SPOCK3: variants seen among roughly 807,000 people sequenced by gnomAD.
SPOCK3 encodes the protein SPARC (osteonectin), cwcv and kazal like domains proteoglycan 3, also known as testican-3.
In SPOCK3, 30 loss-of-function variants were observed where a neutral mutation model predicts 56.6. The ratio of observed to expected loss-of-function variants is 0.53; its 90% CI spans 0.40 to 0.72. The LOEUF (loss-of-function observed/expected upper bound fraction) is 0.72, where lower values mean the gene tolerates loss of function less well. Ranked by LOEUF, SPOCK3 falls within the 30% of genes least tolerant of loss-of-function variation. SPOCK3 has a pLI of 0.00. For synonymous variants in SPOCK3, 196 were observed against 183.3 expected (o/e 1.07, Z -0.56); for missense variants, 527 against 530.0 (o/e 0.99, Z 0.06).
chr4:167,075,850 GTTC>G (rs1375036985), intron 2 of SPOCK3, among the ~76,000 whole-genome samples: 7 of 151,838 alleles, frequency 4.6e-5, no homozygotes, highest in Non-Finnish European at 1.0e-4. Context: ...ATATATATGT[GTTC>G]TTCTCTCTTA....
At chr4:166,855,776 A>T (rs1267519510) in intron 6 of SPOCK3, among the ~76,000 whole-genome samples, 1 of 152,128 alleles carries the variant, frequency 6.6e-6, no homozygotes, top group African/African-American at 2.4e-5. Context: ...TTTCTGATTC[A>T]TTAGGTGTGG....
intron 8 of SPOCK3, among the ~76,000 whole-genome samples, chr4:166,744,332 C>T (rs1392815868): frequency 6.6e-6 from 1 of 152,136 alleles, no homozygotes; most frequent in Non-Finnish European, 1.5e-5. Context: ...TGGTGATACC[C>T]AGGCAAACAG....
intron 6 of SPOCK3, among the ~76,000 whole-genome samples, chr4:166,792,838 C>T (rs997561811): frequency 6.6e-6 from 1 of 151,896 alleles, no homozygotes; most frequent in African/African-American, 2.4e-5. Flanking sequence ...TAGGAAAAAA[C>T]TATAAAATAT....
chr4:166,995,092 C>T (rs1163557870), intron 4 of SPOCK3, among the ~76,000 whole-genome samples: 1 of 152,008 alleles, frequency 6.6e-6, no homozygotes, highest in Non-Finnish European at 1.5e-5. Context: ...ACCACAATGG[C>T]CAGGTTCAGT....
At chr4:167,156,884 G>A (rs2150429063) in intron 2 of SPOCK3, among the ~76,000 whole-genome samples, 1 of 152,168 alleles carries the variant, frequency 6.6e-6, no homozygotes, top group East Asian at 1.9e-4. Context: ...TACTTAAACT[G>A]GAATTAGGCC....
intron 6 of SPOCK3, among the ~76,000 whole-genome samples, chr4:166,803,587 G>C (rs1213834691): frequency 1.3e-5 from 2 of 152,148 alleles, no homozygotes; most frequent in East Asian, 1.9e-4. Flanking sequence ...GCAAAACATA[G>C]ATAAATCAAT....
chr4:167,035,894 G>A (rs1752705917), intron 3 of SPOCK3, among the ~76,000 whole-genome samples: 1 of 151,992 alleles, frequency 6.6e-6, no homozygotes, highest in Non-Finnish European at 1.5e-5. Context: ...ATGTCATTCT[G>A]CATTAGCAAT....
intron 2 of SPOCK3, among the ~76,000 whole-genome samples, chr4:167,147,619 A>G (rs936378786): frequency 6.6e-6 from 1 of 152,186 alleles, no homozygotes. Context: ...ACCATGGAAT[A>G]CTATTCAGCC....
At chr4:167,199,787 CAT>C (rs34828806) in intron 2 of SPOCK3, among the ~76,000 whole-genome samples, 6,071 of 149,628 alleles carry the variant, frequency 0.041, 165 homozygotes, top group Middle Eastern at 0.071. Flanking sequence ...GTAATGAAAT[CAT>C]AGAAAAATTT....
rs912574814 is a variant in SPOCK3 at position 166,770,570 on chromosome 4, A to G, written c.710-15841T>C. On this transcript the variant is annotated intron_variant, in intron 7 of 10. Transcript: ENST00000357545. ...GCTGAAATGTGAATCGTGAAAAAAT[A>G]TAAAACTGATATGTCTAATTGAAAA... 4.6e-5 allele frequency among the ~76,000 whole-genome samples: 7 copies of G among 152,234 alleles called. No individual in the cohort carries two copies. In the East Asian group the frequency reaches 1.2e-3, roughly 25 times the overall value.
At chr4:166,772,496 G>GAAAT (rs1282093048) in intron 7 of SPOCK3, among the ~76,000 whole-genome samples, 1 of 152,074 alleles carries the variant, frequency 6.6e-6, no homozygotes, top group African/African-American at 2.4e-5. Flanking sequence ...AATTGCATAT[G>GAAAT]AAATATTATC....
intron 2 of SPOCK3, among the ~76,000 whole-genome samples, chr4:167,218,688 T>C (rs1561336243): frequency 6.6e-6 from 1 of 152,184 alleles, no homozygotes. Flanking sequence ...TTATCTGAAT[T>C]AAACATGTCA....
chr4:167,044,561 C>CT (rs1242434998), intron 3 of SPOCK3, among the ~76,000 whole-genome samples: 1 of 151,970 alleles, frequency 6.6e-6, no homozygotes, highest in African/African-American at 2.4e-5. Context: ...GTATAAACTT[C>CT]TTTGTAAGCA....
intron 6 of SPOCK3, among the ~76,000 whole-genome samples, chr4:166,843,446 G>A (rs1000582673): frequency 6.6e-6 from 1 of 152,236 alleles, no homozygotes; most frequent in Admixed American, 6.5e-5. Flanking sequence ...ACATCAGTAC[G>A]TTTGGACCTC....
rs766024192 is a variant in SPOCK3 at position 166,812,855 on chromosome 4, T to A, written c.590-20566A>T. On this transcript the variant is annotated intron_variant, in intron 6 of 10. Transcript: ENST00000357545. The stretch of plus-strand genomic sequence containing the variant: ...ATACATACAGAGTAACAATACATTA[T>A]GATTTCTTTCAAGTTCATTGGTCAC... 6.6e-4 allele frequency among the ~76,000 whole-genome samples: 100 copies of A among 152,136 alleles called. 1 individual carries two copies. The highest frequency in any genetic ancestry group is 1.1e-3 in the Non-Finnish European group (74 of 67,922).
intron 2 of SPOCK3, among the ~76,000 whole-genome samples, chr4:167,171,980 TA>T (rs1730543191): frequency 1.3e-5 from 2 of 150,944 alleles, no homozygotes; most frequent in Admixed American, 1.3e-4. Context: ...GGATACTGCA[TA>T]AAGGTAAAAA....
chr4:166,832,831 T>A (rs1290355381), intron 6 of SPOCK3, among the ~76,000 whole-genome samples: 1 of 152,154 alleles, frequency 6.6e-6, no homozygotes, highest in Non-Finnish European at 1.5e-5. Context: ...TATTCTCACT[T>A]ATAAGTGGGA....
At chr4:166,851,177 C>T (rs1730020028) in intron 6 of SPOCK3, among the ~76,000 whole-genome samples, 1 of 152,190 alleles carries the variant, frequency 6.6e-6, no homozygotes, top group African/African-American at 2.4e-5. Context: ...CCCGAGCAGC[C>T]TAACTGGGAG....
intron 4 of SPOCK3, among the ~76,000 whole-genome samples, chr4:166,967,455 C>A (rs1029913819): frequency 3.9e-5 from 6 of 152,042 alleles, no homozygotes; most frequent in African/African-American, 1.4e-4. Context: ...GGGCAGATTT[C>A]CCCCTTGTTG....
Sources: gnomAD v4.1 joint callset for allele counts (sites outside exome capture counted in the v4.1 genomes callset) on GRCh38, gnomAD v4.1.1 for gene constraint, MANE v1.5 for transcripts, NCBI Gene and HGNC (gene_info 2026-07-23, HGNC 2026-07-21) for gene names.